The following TBCK variants were observed in gnomAD, a reference collection of about 807,000 sequenced individuals.
TBCK encodes the protein TBC domain-containing protein kinase-like protein.
TBCK carries 99 observed loss-of-function variants against 113.4 expected under a neutral mutation model. The observed-to-expected ratio is 0.87, with a 90% CI of 0.74 to 1.03. TBCK has a LOEUF of 1.03. TBCK is among the 50% of genes least tolerant of loss of function. TBCK has a pLI of 0.00. For missense variants in TBCK, 1,045 were observed against 1,061.3 expected (o/e 0.98, Z 0.21); for synonymous variants, 369 against 370.8 (o/e 1.00, Z 0.05).
chr4:106,206,521 G>C (rs73838147), intron 20 of TBCK, among the ~76,000 whole-genome samples: 2,780 of 152,224 alleles, frequency 0.018, 79 homozygotes, highest in African/African-American at 0.061. Flanking sequence ...TACCAGACAA[G>C]AGGACACATC....
At chr4:106,253,398 T>C (rs1217382052) in intron 5 of TBCK, among the ~76,000 whole-genome samples, 1 of 152,186 alleles carries the variant, frequency 6.6e-6, no homozygotes, top group African/African-American at 2.4e-5. Flanking sequence ...ATTATTAACA[T>C]TATGAACAAC....
intron 2 of TBCK, among the ~76,000 whole-genome samples, chr4:106,295,697 C>A (rs934742679): frequency 2.1e-4 from 32 of 152,048 alleles, no homozygotes; most frequent in African/African-American, 5.8e-4. Flanking sequence ...CTTAAAGGTG[C>A]CAACCCCCTA....
At chr4:106,265,265 T>C (rs550318303) in intron 3 of TBCK, among the ~76,000 whole-genome samples, 4 of 152,046 alleles carry the variant, frequency 2.6e-5, no homozygotes, top group African/African-American at 9.6e-5. Flanking sequence ...TTTGAGGATA[T>C]AGCAGGTATA....
At chr4:106,142,432 A>T (rs1253212374) in intron 23 of TBCK, among the ~76,000 whole-genome samples, 15 of 152,334 alleles carry the variant, frequency 9.8e-5, no homozygotes, top group African/African-American at 3.6e-4. Flanking sequence ...TGACAAACTG[A>T]ATTTTTAGCA....
Position 106,244,685 on chromosome 4 carries a change from C to A in TBCK, c.1011G>T (p.Glu337Asp). The A allele has an allele frequency of 1.2e-6, 2 of 1,612,330 alleles. No individual in the cohort carries two copies. Among genetic ancestry groups the A allele is most frequent in the Non-Finnish European group, 1.7e-6 (2 of 1,178,910 alleles). The change falls in exon 11 of 26, where the codon GAG becomes GAT. Residue 337 changes from glutamate to aspartate, a missense_variant. Coordinates refer to ENST00000394708, the MANE Select transcript of TBCK (RefSeq NM_001163435.3). ...TGATTTCCTTGTTGACAAGCTCTTT[C>A]TCCAAGTCACCTCCAGCCAAACACC... Reference protein sequence around the residue: ...YLWCLAGGDLEKELVNKEIIR... With the variant: ...YLWCLAGGDLDKELVNKEIIR...
intron 1 of TBCK, among the ~76,000 whole-genome samples, chr4:106,314,537 C>A (rs137918192): frequency 6.7e-6 from 1 of 150,038 alleles, no homozygotes; most frequent in Non-Finnish European, 1.5e-5. Flanking sequence ...AAGTGGTTAT[C>A]TTTGAAGAAC....
intron 22 of TBCK, among the ~76,000 whole-genome samples, chr4:106,171,896 T>G (rs1041515247): frequency 5.3e-5 from 8 of 152,112 alleles, no homozygotes; most frequent in Non-Finnish European, 1.0e-4. Flanking sequence ...AGTGGTGCAA[T>G]CACGGCTCAC....
chr4:106,251,393 A>AT (rs753907489), intron 6 of TBCK, among the ~76,000 whole-genome samples: 13 of 151,210 alleles, frequency 8.6e-5, no homozygotes, highest in East Asian at 1.9e-4. Flanking sequence ...AGATGCTTTG[A>AT]TTTTTTTTTA....
At chr4:106,294,141 T>C (rs565490071) in intron 3 of TBCK, among the ~76,000 whole-genome samples, 2 of 152,348 alleles carry the variant, frequency 1.3e-5, no homozygotes, top group East Asian at 1.9e-4. Flanking sequence ...ACTGTGTCCC[T>C]AGGAATACAA....
intron 23 of TBCK, among the ~76,000 whole-genome samples, chr4:106,142,338 T>C (rs1341204256): frequency 6.6e-6 from 1 of 152,210 alleles, no homozygotes; most frequent in Non-Finnish European, 1.5e-5. Flanking sequence ...GATGTGACAA[T>C]GCTGCAGATA....
At chr4:106,249,811 A>C (rs1275366990) in intron 7 of TBCK, among the ~76,000 whole-genome samples, 1 of 152,074 alleles carries the variant, frequency 6.6e-6, no homozygotes, top group African/African-American at 2.4e-5. Flanking sequence ...TTTCCTGTAC[A>C]TATTCTTATT....
intron 22 of TBCK, among the ~76,000 whole-genome samples, chr4:106,188,207 T>G (rs1007690669): frequency 2.0e-5 from 3 of 152,200 alleles, no homozygotes; most frequent in Non-Finnish European, 4.4e-5. Flanking sequence ...TGGCTCTTAT[T>G]ATTTCAAGGT....
chr4:106,303,373 C>G (rs537901340), intron 2 of TBCK, among the ~76,000 whole-genome samples: 1 of 152,082 alleles, frequency 6.6e-6, no homozygotes, highest in Admixed American at 6.5e-5. Flanking sequence ...TTTTGAAAAT[C>G]TGCGAAAAAC....
At chr4:106,260,007 A>AATCT (rs1579428356) in intron 5 of TBCK, among the ~76,000 whole-genome samples, 1 of 152,038 alleles carries the variant, frequency 6.6e-6, no homozygotes, top group East Asian at 1.9e-4. Flanking sequence ...ACTCAACTTG[A>AATCT]ATCTTAATAT....
At chr4:106,133,451 T>C (rs1311221093) in intron 23 of TBCK, among the ~76,000 whole-genome samples, 3 of 152,126 alleles carry the variant, frequency 2.0e-5, no homozygotes, top group African/African-American at 7.2e-5. Flanking sequence ...TATTAGTAGA[T>C]TGAGAACAGA....
intron 3 of TBCK, among the ~76,000 whole-genome samples, chr4:106,294,893 C>T (rs760944084): frequency 7.3e-5 from 11 of 150,624 alleles, no homozygotes; most frequent in Non-Finnish European, 1.6e-4. Context: ...GAATGCCTAC[C>T]TCACAAAAGA....
At chr4:106,252,807 T>G (rs1257329792) in intron 5 of TBCK, among the ~76,000 whole-genome samples, 2 of 152,150 alleles carry the variant, frequency 1.3e-5, no homozygotes, top group African/African-American at 4.8e-5. Flanking sequence ...GTATGTGCAT[T>G]TTAAATTTTG....
intron 20 of TBCK, among the ~76,000 whole-genome samples, chr4:106,203,558 CAAAT>C (rs929638998): frequency 1.4e-4 from 21 of 151,282 alleles, no homozygotes; most frequent in Non-Finnish European, 2.2e-4. Context: ...AAAAAAGAAA[CAAAT>C]AAAAAATAAC....
chr4:106,174,133 A>C (rs1036908807), intron 22 of TBCK, among the ~76,000 whole-genome samples: 12 of 152,066 alleles, frequency 7.9e-5, no homozygotes, highest in Non-Finnish European at 1.2e-4. Context: ...AATGGCTATA[A>C]ATTCCTTCTG....
Sources: allele counts gnomAD v4.1 joint callset (sites outside exome capture counted in the v4.1 genomes callset), GRCh38; gene constraint gnomAD v4.1.1; transcripts MANE v1.5; gene names NCBI Gene and HGNC (gene_info 2026-07-23, HGNC 2026-07-21).